SDK2: variants seen among roughly 807,000 people sequenced by gnomAD.
SDK2 encodes the protein protein sidekick-2.
SDK2 carries 105 observed loss-of-function variants against 253.9 expected under a neutral mutation model. The ratio of observed to expected loss-of-function variants is 0.41; its 90% CI spans 0.35 to 0.49. The LOEUF is 0.49. Among genes scored for constraint, SDK2 ranks in the 20% least tolerant of loss-of-function variants. The pLI is 0.06. For missense variants in SDK2, 2,608 were observed against 3,003.0 expected, an observed-to-expected ratio of 0.87 and a Z score of 3.07; for synonymous variants, 1,249 against 1,234.9, an observed-to-expected ratio of 1.01 and a Z score of -0.24.
rs760328400 is a variant in SDK2, at chr17:73,361,806, C to G, written c.5345G>C (p.Ser1782Thr). Residue 1782 changes from serine (S) to threonine (T), a missense_variant, in exon 39 of 45, where the codon AGC becomes ACC. Ser to Thr is a moderately conservative substitution (Grantham distance 58). This residue lies in a region of SDK2 where 1,103 missense variants were observed against 1,143.9 expected (regional missense o/e 0.96). Coordinates refer to ENST00000392650, the MANE Select transcript of SDK2 (RefSeq NM_001144952.2). This position sits in a 1 kb window ranked among gnomAD's most constrained non-coding sequence, Gnocchi z 4.1. ...GTCCTTCACCTTCAGCCACAGGGGGCTGTTCCCCTTCACGTCCACGGTCAC... is the reference window on the plus strand; with the variant it reads ...GTCCTTCACCTTCAGCCACAGGGGGGTGTTCCCCTTCACGTCCACGGTCAC... ...KIVTVDVKGN[S>T]PLWLKVKDLA... 77 of 1,607,612 alleles carry G rather than the reference C, an allele frequency of 4.8e-5. 1 individual carries two copies. The East Asian group carries it at 1.7e-3, about 36-fold the overall frequency.
intron 12 of SDK2, among the ~76,000 whole-genome samples, chr17:73,428,557 C>G (rs1030590627): frequency 6.6e-6 from 1 of 152,104 alleles, no homozygotes; most frequent in Non-Finnish European, 1.5e-5. Flanking sequence ...TTTGACCATT[C>G]CTTTCAAAGG....
At chr17:73,468,949 C>T (rs866906465) in intron 3 of SDK2, among the ~76,000 whole-genome samples, 6 of 151,994 alleles carry the variant, frequency 3.9e-5, no homozygotes, top group Middle Eastern at 3.4e-3. Context: ...TTCAGCCTCC[C>T]GAGTAGCTGG....
In SDK2 at chr17:73,402,145, C is replaced by T. The variant is rs769406571; in HGVS notation, c.2485-4G>A. The T allele has an allele frequency of 3.7e-6, 6 of 1,611,678 alleles. No homozygotes were observed. In the Admixed American group the frequency reaches 6.7e-5, roughly 18 times the overall value. Reference sequence around the variant, plus strand: ...GTTCCGGCTCCCAGGCGATCAGCTGCGGAGAGGCGAGCAAGTCACACAGGG... The same window carrying T: ...GTTCCGGCTCCCAGGCGATCAGCTGTGGAGAGGCGAGCAAGTCACACAGGG... On this transcript the variant is annotated splice_polypyrimidine_tract_variant and splice_region_variant and intron_variant, in intron 18 of 44. Transcript: ENST00000392650.
intron 25 of SDK2, among the ~76,000 whole-genome samples, chr17:73,394,567 T>G (rs1200469270): frequency 6.6e-6 from 1 of 152,156 alleles, no homozygotes; most frequent in Non-Finnish European, 1.5e-5. Flanking sequence ...CTGCTCAGGT[T>G]AGGATTAGAT....
At chr17:73,529,946 G>A (rs1182011553) in intron 1 of SDK2, among the ~76,000 whole-genome samples, 2 of 152,226 alleles carry the variant, frequency 1.3e-5, no homozygotes, top group Admixed American at 6.5e-5. Flanking sequence ...ACGGTAGTGG[G>A]AGAGATGTCC....
At chr17:73,569,570 G>A (rs2045355019) in intron 1 of SDK2, among the ~76,000 whole-genome samples, 1 of 150,254 alleles carries the variant, frequency 6.7e-6, no homozygotes, top group Non-Finnish European at 1.5e-5. Flanking sequence ...ATGGGGGTGG[G>A]GATTGCTTTC....
chr17:73,544,428 G>T (rs925446604), intron 1 of SDK2, among the ~76,000 whole-genome samples: 1 of 152,186 alleles, frequency 6.6e-6, no homozygotes, highest in African/African-American at 2.4e-5. Flanking sequence ...TTGTGTCACC[G>T]TCAAAGTCTG....
chr17:73,561,999 G>A lies in SDK2; in HGVS notation c.65-54402C>T, dbSNP rs150621822. On this transcript the variant is annotated intron_variant, in intron 1 of 44. Transcript: ENST00000392650. ...AAATTAGCTGGGCGTGGTGGTGTGCGCCTGTAATCCCAGCTGCTTGGGAGG... is the reference window on the plus strand; with the variant it reads ...AAATTAGCTGGGCGTGGTGGTGTGCACCTGTAATCCCAGCTGCTTGGGAGG... Among the ~76,000 whole-genome samples, 1,442 of 152,250 alleles carry A rather than the reference G, an allele frequency of 9.5e-3. 25 individuals carry two copies. Among genetic ancestry groups the A allele is most frequent in the African/African-American group, 0.033 (1,380 of 41,542 alleles).
At chr17:73,483,529 ATATG>A (rs923696499) in intron 2 of SDK2, among the ~76,000 whole-genome samples, 4 of 138,362 alleles carry the variant, frequency 2.9e-5, no homozygotes, top group African/African-American at 8.3e-5. Flanking sequence ...GTGTATATAT[ATATG>A]TATGTATATA....
At chr17:73,371,640 A>G (rs1271110849) in intron 36 of SDK2, among the ~76,000 whole-genome samples, 1 of 152,094 alleles carries the variant, frequency 6.6e-6, no homozygotes, top group Non-Finnish European at 1.5e-5. Flanking sequence ...TAAAGGGGCC[A>G]AAGAAATGGG....
rs148107372 is a variant in SDK2, at chr17:73,357,170, C to T, written c.5593+909G>A. On this transcript the variant is annotated intron_variant, in intron 40 of 44. Coordinates refer to ENST00000392650, the MANE Select transcript of SDK2 (RefSeq NM_001144952.2). Reference sequence around the variant, plus strand: ...TATTAGCATGTGATTAAGGCAGGAGCGGTGGTAATGTCTTCCAGGAGCTAC... The same window carrying T: ...TATTAGCATGTGATTAAGGCAGGAGTGGTGGTAATGTCTTCCAGGAGCTAC... 2.2e-4 allele frequency among the ~76,000 whole-genome samples: 33 copies of T among 152,306 alleles called. 1 individual carries two copies. Among genetic ancestry groups the T allele is most frequent in the Middle Eastern group, 6.8e-3 (2 of 294 alleles).
chr17:73,620,139 C>T (rs2046114955), intron 1 of SDK2, among the ~76,000 whole-genome samples: 1 of 149,878 alleles, frequency 6.7e-6, no homozygotes, highest in African/African-American at 2.5e-5. Flanking sequence ...GTTGAGGCTG[C>T]AGTGAACTGT....
chr17:73,379,699 A>G lies in SDK2; in HGVS notation c.4763-150T>C. 1.6e-6 allele frequency: 1 copy of G among 606,796 alleles called. No individual in the cohort carries two copies. The highest frequency in any genetic ancestry group is 2.8e-5 in the East Asian group (1 of 35,650). 37.6% of individuals were successfully genotyped at this position (606,796 alleles called of 1,614,324 possible). A position where few individuals can be genotyped will look rare whatever the true frequency, so the allele number is the denominator to read the frequency against. On this transcript the variant is annotated intron_variant, in intron 34 of 44. Coordinates refer to ENST00000392650, the MANE Select transcript of SDK2 (RefSeq NM_001144952.2). The surrounding 1 kb of genome is among the most constrained non-coding windows in gnomAD (Gnocchi z 4.5). ...GTGAAGGTGCATGAAGGAGGAGGTG[A>G]GAGGCGGGGCCCCCAGGGGACGCTC...
intron 39 of SDK2, 62 bp from the exon 40 acceptor site, chr17:73,358,266 C>G: frequency 6.5e-7 from 1 of 1,542,776 alleles, no homozygotes; most frequent in Non-Finnish European, 8.7e-7. Flanking sequence ...CAGCCCGTCA[C>G]CCTGGGCTCG....
At chr17:73,429,830 A>G (rs1200833599) in intron 12 of SDK2, among the ~76,000 whole-genome samples, 1 of 152,162 alleles carries the variant, frequency 6.6e-6, no homozygotes, top group Admixed American at 6.5e-5. Flanking sequence ...GGTTTGGTTC[A>G]GGTGCTTGGG....
At chr17:73,421,888 G>A (rs909681071) in intron 15 of SDK2, among the ~76,000 whole-genome samples, 2 of 152,104 alleles carry the variant, frequency 1.3e-5, no homozygotes, top group Non-Finnish European at 1.5e-5. Context: ...AAAGCTTTGC[G>A]GGAACCCTAG....
chr17:73,589,248 G>GT (rs558621678), intron 1 of SDK2, among the ~76,000 whole-genome samples: 2 of 152,290 alleles, frequency 1.3e-5, no homozygotes, highest in Non-Finnish European at 2.9e-5. Flanking sequence ...ATGCACGTGA[G>GT]TGCAGGTGCA....
intron 24 of SDK2, among the ~76,000 whole-genome samples, chr17:73,396,163 A>G (rs1351254817): frequency 1.3e-5 from 2 of 152,140 alleles, no homozygotes; most frequent in Non-Finnish European, 2.9e-5. Context: ...ACAAGCCACC[A>G]CGCCCAACCA....
In SDK2 at chr17:73,422,256, C is replaced by A. The variant is rs371653885; in HGVS notation, c.2045+31G>T. On this transcript the variant is annotated intron_variant, in intron 15 of 44. Transcript: ENST00000392650. ...CAGCCCCTGCCTGTTGGAGTCCTGG[C>A]GACGCCCCTGTAGAGCGCCAGTGCC... is the stretch of plus-strand genomic sequence containing the variant. 5.0e-6 allele frequency: 8 copies of A among 1,608,040 alleles called. No individual in the cohort carries two copies. In the East Asian group the frequency reaches 6.7e-5, roughly 13 times the overall value.
Sources: allele counts gnomAD v4.1 joint callset (sites outside exome capture counted in the v4.1 genomes callset), GRCh38; gene constraint gnomAD v4.1.1; regional missense constraint gnomAD v4.1.1; non-coding constraint Gnocchi (gnomAD v3.1); transcripts MANE v1.5; gene names NCBI Gene and HGNC (gene_info 2026-07-23, HGNC 2026-07-21).